The following DMD variants were observed in gnomAD, a reference collection of about 807,000 sequenced individuals.
DMD encodes the protein dystrophin.
A neutral mutation model predicts 330.1 loss-of-function variants in DMD; 63 were observed. That is an observed-to-expected ratio of 0.19 (90% confidence interval 0.16 to 0.24). DMD has a LOEUF of 0.24. Ranked by LOEUF, DMD falls within the 10% of genes least tolerant of loss-of-function variation. DMD has a pLI of 1.00. For synonymous variants in DMD, 1,223 were observed against 959.8 expected, an observed-to-expected ratio of 1.27 and a Z score of -5.07; for missense variants, 3,344 against 2,684.1, an observed-to-expected ratio of 1.25 and a Z score of -5.43.
At chrX:32,734,470 AT>A (rs1200360920) in intron 7 of DMD, among the ~76,000 whole-genome samples, 1 of 107,822 alleles carries the variant, frequency 9.3e-6, no homozygotes, top group East Asian at 2.9e-4. Flanking sequence ...AAAAAAGAGA[AT>A]TTTAGACCAA....
In DMD at chrX:32,342,198, C is replaced by T. The variant is rs977284401; in HGVS notation, c.5824G>A (p.Ala1942Thr). The T allele has an allele frequency of 2.5e-6, 3 of 1,210,676 alleles. No homozygotes were observed. Among genetic ancestry groups the T allele is most frequent in the Non-Finnish European group, 3.4e-6 (3 of 894,790 alleles). ...ATCTGAGTTGGCTCCACTGCCATTGCGGCCCCATCCTCAGACAAGCCCTCA... is the reference window on the plus strand; with the variant it reads ...ATCTGAGTTGGCTCCACTGCCATTGTGGCCCCATCCTCAGACAAGCCCTCA... ...QAEGLSEDGA[A>T]MAVEPTQIQL... The change falls in exon 41 of 79, where the codon GCA (alanine) becomes ACA (threonine). Residue 1942 changes from alanine to threonine, a missense_variant. Physicochemically the swap from Ala to Thr is moderately conservative, Grantham distance 58. Coordinates refer to ENST00000357033, the MANE Select transcript of DMD (RefSeq NM_004006.3).
intron 1 of DMD, among the ~76,000 whole-genome samples, chrX:33,183,946 T>C (rs1327436230): frequency 9.0e-6 from 1 of 111,404 alleles, no homozygotes. Flanking sequence ...AAGAGAAAAG[T>C]GAATGCTTAT....
chrX:32,558,945 T>TTTTTTTTTTCTTC (rs2050663809), intron 16 of DMD, among the ~76,000 whole-genome samples: 2 of 40,149 alleles, frequency 5.0e-5, no homozygotes, highest in African/African-American at 1.5e-4. Flanking sequence ...TTTCTTTTTT[T>TTTTTTTTTTCTTC]TTTTTTTTTT....
intron 2 of DMD, among the ~76,000 whole-genome samples, chrX:32,863,493 G>A (rs1385638244): frequency 1.1e-5 from 1 of 87,229 alleles, no homozygotes; most frequent in East Asian, 3.5e-4. Flanking sequence ...CTGGGTGGCA[G>A]AGTGAGACTC....
intron 56 of DMD, among the ~76,000 whole-genome samples, chrX:31,506,351 C>G (rs1273404002): frequency 8.9e-6 from 1 of 111,812 alleles, no homozygotes; most frequent in Non-Finnish European, 1.9e-5. Context: ...ACTCCCATAA[C>G]TATTATTAAG....
At chrX:32,716,111 A>G (rs995560716) in intron 7 of DMD, among the ~76,000 whole-genome samples, 3 of 111,588 alleles carry the variant, frequency 2.7e-5, no homozygotes, top group East Asian at 2.8e-4. Flanking sequence ...AAAATACTGA[A>G]CAGCGTCAAT....
chrX:33,234,884 G>A (rs768039398), intron 1 of DMD, among the ~76,000 whole-genome samples: 2 of 111,697 alleles, frequency 1.8e-5, no homozygotes, highest in South Asian at 3.8e-4. Flanking sequence ...GCCACTGTTC[G>A]CTAAGCTTGT....
At chrX:32,644,899 A>G (rs1482593058) in intron 10 of DMD, 65 bp downstream of exon 10, 2 of 1,153,117 alleles carry the variant, frequency 1.7e-6, no homozygotes, top group Non-Finnish European at 2.4e-6. Context: ...TAATTGAGGA[A>G]AAAGGATGAC....
intron 63 of DMD, among the ~76,000 whole-genome samples, chrX:31,227,992 T>C (rs1419137910): frequency 1.9e-5 from 2 of 106,148 alleles, no homozygotes; most frequent in Non-Finnish European, 3.9e-5. Flanking sequence ...TCATTCTCAG[T>C]AAACTATCGC....
At chrX:32,481,307 A>G (rs764529229) in intron 21 of DMD, among the ~76,000 whole-genome samples, 1 of 111,639 alleles carries the variant, frequency 9.0e-6, no homozygotes, top group Non-Finnish European at 1.9e-5. Context: ...TTTAAGGTTC[A>G]ATGGACTCTC....
rs1338186084 is a variant in DMD, at chrX:31,845,123, G to C, written c.7099-8304C>G. 5.5e-5 allele frequency among the ~76,000 whole-genome samples: 6 copies of C among 109,620 alleles called. No individual in the cohort carries two copies. In the Admixed American group the frequency reaches 5.9e-4, roughly 11 times the overall value. On this transcript the variant is annotated intron_variant, in intron 48 of 78. Coordinates refer to ENST00000357033, the MANE Select transcript of DMD (RefSeq NM_004006.3). ...TATGAAGAAAGATTAAAAAGAGTAA[G>C]TAGAGAGTGACAGTGGGCTCTATTT...
At chrX:33,311,560 G>A (rs993059952) in intron 1 of DMD, among the ~76,000 whole-genome samples, 4 of 110,568 alleles carry the variant, frequency 3.6e-5, no homozygotes, top group African/African-American at 1.3e-4. Flanking sequence ...CATTACTTAC[G>A]AATACTAAAG....
chrX:33,020,463 C>T (rs1047796155), intron 1 of DMD, among the ~76,000 whole-genome samples: 1 of 111,779 alleles, frequency 8.9e-6, no homozygotes, highest in Non-Finnish European at 1.9e-5. Context: ...CACTTGAGGC[C>T]AGTAGTTTGA....
rs753683506 is a variant in DMD at position 32,682,706 on chromosome X, A to T, written c.960+15164T>A. ...ATTTAGCAGTGTAGCAGTTATTAAC[A>T]CCATTCATATTTATTTCCAGCTTTC... On this transcript the variant is annotated intron_variant, in intron 9 of 78. Coordinates refer to ENST00000357033, the MANE Select transcript of DMD (RefSeq NM_004006.3). Among the ~76,000 whole-genome samples, 4 of 112,084 alleles carry T rather than the reference A, an allele frequency of 3.6e-5. No individual in the cohort carries two copies. In the East Asian group the frequency reaches 1.1e-3, roughly 31 times the overall value.
Position 32,435,361 on chromosome X carries a change from C to A in DMD, c.4071+2880G>T, listed in dbSNP as rs183872815. 9.5e-3 allele frequency among the ~76,000 whole-genome samples: 972 copies of A among 102,212 alleles called. 6 individuals carry two copies. Among genetic ancestry groups the A allele is most frequent in the South Asian group, 0.059 (125 of 2,105 alleles). The allele number at this position is 102,212 out of a possible 115,157, so 88.8% of individuals were successfully genotyped here. On this transcript the variant is annotated intron_variant, in intron 29 of 78. Transcript: ENST00000357033. Reference sequence around the variant, plus strand: ...CTGATACTCTAGAATATCATCTAGTCAAAATAAAAAGGCTGATCATGTATT... The same window carrying A: ...CTGATACTCTAGAATATCATCTAGTAAAAATAAAAAGGCTGATCATGTATT...
chrX:32,595,218 G>A (rs754945027), intron 13 of DMD, among the ~76,000 whole-genome samples: 1 of 111,289 alleles, frequency 9.0e-6, no homozygotes, highest in East Asian at 2.8e-4. Flanking sequence ...AAGAAATAAA[G>A]GCAGAAAATA....
intron 1 of DMD, among the ~76,000 whole-genome samples, chrX:33,237,235 T>C (rs1244619673): frequency 1.1e-5 from 1 of 91,133 alleles, no homozygotes; most frequent in African/African-American, 4.0e-5. Flanking sequence ...CCTCCCTCTT[T>C]CTTTTTCTTT....
At chrX:33,229,658 C>A (rs1397788337) in intron 1 of DMD, among the ~76,000 whole-genome samples, 1 of 111,908 alleles carries the variant, frequency 8.9e-6, no homozygotes, top group Non-Finnish European at 1.9e-5. Context: ...GTCTTGATTA[C>A]TGTAGCTACA....
intron 1 of DMD, among the ~76,000 whole-genome samples, chrX:33,270,275 G>A (rs1268667643): frequency 2.7e-5 from 3 of 110,410 alleles, no homozygotes; most frequent in African/African-American, 6.6e-5. Context: ...TATCTTTTGA[G>A]AGCCAAAATT....
Sources: gnomAD v4.1 joint callset for allele counts (sites outside exome capture counted in the v4.1 genomes callset) on GRCh38, gnomAD v4.1.1 for gene constraint, MANE v1.5 for transcripts, NCBI Gene and HGNC (gene_info 2026-07-23, HGNC 2026-07-21) for gene names.